The following POLK variants were observed in gnomAD, a reference collection of about 807,000 sequenced individuals.
POLK encodes the protein polymerase (DNA directed) kappa.
POLK carries 76 observed loss-of-function variants against 94.0 expected under a neutral mutation model. The observed-to-expected ratio is 0.81, with a 90% CI of 0.67 to 0.98. The LOEUF (loss-of-function observed/expected upper bound fraction) is 0.98, where lower values mean the gene tolerates loss of function less well. Among genes scored for constraint, POLK ranks in the 50% least tolerant of loss-of-function variants. The pLI is 0.00. For missense variants in POLK, 954 were observed against 1,010.1 expected (o/e 0.94, Z 0.75); for synonymous variants, 349 against 325.4 (o/e 1.07, Z -0.78).
chr5:75,548,254 C>A (rs1397217118), intron 2 of POLK, among the ~76,000 whole-genome samples: 2 of 152,010 alleles, frequency 1.3e-5, no homozygotes, highest in Non-Finnish European at 1.5e-5. Context: ...ATTTGTATTT[C>A]ATTTTTTATG....
In POLK at chr5:75,597,808, T is replaced by C; in HGVS notation, c.2528+19T>C. The C allele has an allele frequency of 6.9e-7, 1 of 1,452,106 alleles. No individual in the cohort carries two copies. The highest frequency in any genetic ancestry group is 1.4e-5 in the African/African-American group (1 of 69,226). The allele number at this position is 1,452,106 out of a possible 1,614,324, so 90.0% of individuals were successfully genotyped here. ...CAAAAAGGTATGGCTAATTTGAGCT[T>C]TAATAAAGCTGGCTACAATATGAAA... On this transcript the variant is annotated intron_variant, in intron 14 of 14. Coordinates refer to ENST00000241436, the Ensembl canonical transcript of POLK.
At chr5:75,605,519 C>G (rs1773402138), downstream of POLK, among the ~76,000 whole-genome samples, 1 of 152,132 alleles carries the variant, frequency 6.6e-6, no homozygotes. Context: ...TGCTAAACTT[C>G]AAATGTGATC....
chr5:75,600,902 T>G (rs924395276), exon 15 of POLK: 7 of 152,192 alleles, frequency 4.6e-5, no homozygotes, highest in Admixed American at 4.6e-4. Context: ...GAGATACAAC[T>G]GTAAAGAAAA....
chr5:75,513,788 T>C (rs968554536), intron 1 of POLK, among the ~76,000 whole-genome samples: 2 of 152,164 alleles, frequency 1.3e-5, no homozygotes, highest in African/African-American at 4.8e-5. Context: ...CAATGAACAG[T>C]ATTAGTGCCC....
chr5:75,554,030 C>A (rs1237743274), intron 3 of POLK, among the ~76,000 whole-genome samples: 1 of 152,130 alleles, frequency 6.6e-6, no homozygotes. Flanking sequence ...TATTCCATCT[C>A]CTGGTTAAGG....
intron 1 of POLK, among the ~76,000 whole-genome samples, chr5:75,539,747 C>T (rs1288213209): frequency 6.6e-6 from 1 of 152,130 alleles, no homozygotes; most frequent in Non-Finnish European, 1.5e-5. Context: ...GCATAAGCCA[C>T]CACACCCTAC....
At chr5:75,525,965 G>A (rs1444688794) in intron 1 of POLK, among the ~76,000 whole-genome samples, 3 of 152,096 alleles carry the variant, frequency 2.0e-5, no homozygotes, top group African/African-American at 7.2e-5. Context: ...ATTTCCTTAT[G>A]TGTTAAAGAC....
chr5:75,555,759 A>G (rs558432343), intron 3 of POLK, among the ~76,000 whole-genome samples: 47 of 152,048 alleles, frequency 3.1e-4, no homozygotes, highest in African/African-American at 1.1e-3. Context: ...ATGTTGGCCA[A>G]TCTGGTCTGA....
exon 13 of POLK, chr5:75,596,251 G>A (rs541934841): frequency 1.3e-6 from 2 of 1,597,960 alleles, no homozygotes; most frequent in Admixed American, 1.8e-5. Flanking sequence ...TCCCAATGAA[G>A]AGGACAGGAA....
At chr5:75,575,230 G>A (rs991797495) in intron 5 of POLK, among the ~76,000 whole-genome samples, 5 of 152,290 alleles carry the variant, frequency 3.3e-5, no homozygotes, top group East Asian at 3.9e-4. Context: ...GCCCAGGCTG[G>A]AGTGCCGTGA....
chr5:75,581,527 C>T (rs1772192820), intron 7 of POLK, 79 bp downstream of exon 7: 1 of 1,202,498 alleles, frequency 8.3e-7, no homozygotes, highest in African/African-American at 1.5e-5. Flanking sequence ...AGTAGTTTCT[C>T]ATTATAAAGT....
Position 75,581,464 on chromosome 5 carries a change from T to C in POLK, c.934+16T>C. 6.2e-7 allele frequency: 1 copy of C among 1,606,392 alleles called. No homozygotes were observed. Among genetic ancestry groups the C allele is most frequent in the Non-Finnish European group, 8.5e-7 (1 of 1,173,654 alleles). On this transcript the variant is annotated intron_variant, in intron 7 of 14. Transcript: ENST00000241436. ...GCCAGTGCAGGTATTTAAAAGAGTATTGATGGCCACTGTAGTTATAATTTT... is the reference window on the plus strand; with the variant it reads ...GCCAGTGCAGGTATTTAAAAGAGTACTGATGGCCACTGTAGTTATAATTTT...
chr5:75,573,376 A>T (rs1771701550), intron 4 of POLK, among the ~76,000 whole-genome samples: 1 of 152,118 alleles, frequency 6.6e-6, no homozygotes. Flanking sequence ...GGTGGGGGGA[A>T]GGGGGAGGGA....
chr5:75,549,963 A>C (rs1770253007), intron 2 of POLK, among the ~76,000 whole-genome samples: 1 of 152,194 alleles, frequency 6.6e-6, no homozygotes, highest in African/African-American at 2.4e-5. Flanking sequence ...AGACCTATAT[A>C]ATAAGGAAAT....
chr5:75,563,542 A>C (rs1275625056), intron 3 of POLK, among the ~76,000 whole-genome samples: 1 of 152,182 alleles, frequency 6.6e-6, no homozygotes, highest in East Asian at 1.9e-4. Flanking sequence ...TTAGTGCTAT[A>C]AATTTACCTC....
intron 3 of POLK, among the ~76,000 whole-genome samples, chr5:75,562,838 C>A (rs983040528): frequency 2.0e-5 from 3 of 152,168 alleles, no homozygotes; most frequent in African/African-American, 7.2e-5. Flanking sequence ...GTTGAACCAG[C>A]CTTACATCCC....
intron 3 of POLK, among the ~76,000 whole-genome samples, chr5:75,553,497 C>T (rs1770431552): frequency 6.6e-6 from 1 of 152,124 alleles, no homozygotes; most frequent in African/African-American, 2.4e-5. Context: ...CTTCTCAGAG[C>T]ACAAGATAAT....
At chr5:75,594,373 C>T (rs548505794) in intron 12 of POLK, among the ~76,000 whole-genome samples, 10 of 152,318 alleles carry the variant, frequency 6.6e-5, no homozygotes, top group South Asian at 2.1e-4. Flanking sequence ...AACCTGTTTA[C>T]GAAGTTCTTC....
intron 1 of POLK, among the ~76,000 whole-genome samples, chr5:75,524,199 G>A (rs1359166229): frequency 6.6e-6 from 1 of 152,052 alleles, no homozygotes; most frequent in Non-Finnish European, 1.5e-5. Flanking sequence ...AGGAGTAGGA[G>A]GATGTGCTCA....
Sources: allele counts gnomAD v4.1 joint callset (sites outside exome capture counted in the v4.1 genomes callset), GRCh38; gene constraint gnomAD v4.1.1; transcripts MANE v1.5; gene names NCBI Gene and HGNC (gene_info 2026-07-23, HGNC 2026-07-21).